MACROD2: variants seen among roughly 807,000 people sequenced by gnomAD.
The protein encoded by MACROD2 is ADP-ribose glycohydrolase MACROD2.
MACROD2 carries 36 observed loss-of-function variants against 70.4 expected under a neutral mutation model. The ratio of observed to expected loss-of-function variants is 0.51; its 90% CI spans 0.39 to 0.68. MACROD2 has a LOEUF of 0.68. Among genes scored for constraint, MACROD2 ranks in the 30% least tolerant of loss-of-function variants. MACROD2 has a pLI of 0.00. For synonymous variants in MACROD2, 172 were observed against 178.8 expected (o/e 0.96, Z 0.30); for missense variants, 496 against 538.4 (o/e 0.92, Z 0.78).
rs2064994259 is a variant in MACROD2 at position 15,897,668 on chromosome 20, T to G, written c.775+11857T>G. ...TTTATTTAATCTGATGTTTAACTCT[T>G]CACTGTATTTCTAATATAGTTTTCT... On this transcript the variant is annotated intron_variant, in intron 10 of 17. Transcript: ENST00000684519. 2.0e-5 allele frequency among the ~76,000 whole-genome samples: 3 copies of G among 152,304 alleles called. No individual in the cohort carries two copies. In the Middle Eastern group the frequency reaches 0.01, roughly 518 times the overall value.
chr20:15,786,133 G>T (rs192009364), intron 8 of MACROD2, among the ~76,000 whole-genome samples: 67 of 149,016 alleles, frequency 4.5e-4, no homozygotes, highest in Non-Finnish European at 2.5e-4. Context: ...AGACTAAGGA[G>T]ATGAATTTGA....
chr20:14,598,849 G>A (rs185184420), intron 4 of MACROD2, among the ~76,000 whole-genome samples: 4 of 152,162 alleles, frequency 2.6e-5, no homozygotes, highest in Non-Finnish European at 5.9e-5. Flanking sequence ...GGCTAGATTC[G>A]AAGATGAAGA....
Position 16,051,348 on chromosome 20 carries a change from CT to C in MACROD2, c.*1478del, listed in dbSNP as rs1192710880. Reference sequence around the variant, plus strand: ...TCCCATCAAAATCTTCAGTTTTGCACTTTTTTGATGGAAAATTCATCTTATC... The same window carrying C: ...TCCCATCAAAATCTTCAGTTTTGCACTTTTTGATGGAAAATTCATCTTATC... On this transcript the variant is annotated 3_prime_UTR_variant, in exon 18 of 18. Transcript: ENST00000684519. 3.3e-5 allele frequency: 5 copies of C among 152,250 alleles called. No individual in the cohort carries two copies. In the East Asian group the frequency reaches 9.6e-4, roughly 29 times the overall value. 9.4% of individuals were successfully genotyped at this position (152,250 alleles called of 1,614,324 possible).
intron 8 of MACROD2, among the ~76,000 whole-genome samples, chr20:15,685,915 A>G (rs76742887): frequency 0.021 from 3,219 of 152,238 alleles, 39 homozygotes; most frequent in Non-Finnish European, 0.035. Context: ...TTCCTCCTAT[A>G]GACTGTTGGC....
chr20:15,241,658 C>T (rs2077060615), intron 6 of MACROD2, among the ~76,000 whole-genome samples: 1 of 149,774 alleles, frequency 6.7e-6, no homozygotes, highest in Middle Eastern at 3.2e-3. Flanking sequence ...ACAAGTGAAA[C>T]ATACCACTAC....
At chr20:16,031,648 A>G (rs1021372748) in intron 15 of MACROD2, among the ~76,000 whole-genome samples, 2 of 152,176 alleles carry the variant, frequency 1.3e-5, no homozygotes, top group African/African-American at 2.4e-5. Flanking sequence ...AACACAGATT[A>G]CAATGGCATG....
At chr20:14,756,667 A>G (rs1248023252) in intron 5 of MACROD2, among the ~76,000 whole-genome samples, 6 of 152,112 alleles carry the variant, frequency 3.9e-5, no homozygotes, top group African/African-American at 1.4e-4. Context: ...CTTTATGAAA[A>G]TATTTCTAAC....
chr20:15,520,159 G>T (rs2047632986), intron 8 of MACROD2, among the ~76,000 whole-genome samples: 2 of 152,168 alleles, frequency 1.3e-5, no homozygotes, highest in Non-Finnish European at 2.9e-5. Context: ...TGGCTTTTTG[G>T]ATAGAACTGA....
chr20:15,530,156 G>A (rs999151308), intron 8 of MACROD2, among the ~76,000 whole-genome samples: 1 of 152,178 alleles, frequency 6.6e-6, no homozygotes, highest in Admixed American at 6.5e-5. Flanking sequence ...GCCATATGTA[G>A]AATTAGCTGC....
intron 6 of MACROD2, among the ~76,000 whole-genome samples, chr20:15,285,749 A>G (rs1193037249): frequency 6.6e-6 from 1 of 152,166 alleles, no homozygotes; most frequent in Non-Finnish European, 1.5e-5. Flanking sequence ...ATTTCGATGT[A>G]TGGCAGTGGT....
intron 3 of MACROD2, among the ~76,000 whole-genome samples, chr20:14,086,622 C>T (rs2054079508): frequency 6.6e-6 from 1 of 152,156 alleles, no homozygotes; most frequent in Admixed American, 6.5e-5. Context: ...TACTCACCTT[C>T]CATTGCTTCA....
intron 5 of MACROD2, chr20:14,933,979 C>T (rs2074318698): frequency 6.6e-6 from 1 of 152,114 alleles, no homozygotes; most frequent in African/African-American, 2.4e-5. Flanking sequence ...TTTTACTTTA[C>T]AGTTAAGAAA....
At chr20:15,356,805 C>T (rs2078292577) in intron 6 of MACROD2, among the ~76,000 whole-genome samples, 2 of 152,144 alleles carry the variant, frequency 1.3e-5, no homozygotes, top group Admixed American at 6.6e-5. Context: ...ACTGTAAATA[C>T]ATATATACAA....
chr20:14,396,184 G>A (rs2083577874), intron 3 of MACROD2, among the ~76,000 whole-genome samples: 2 of 152,198 alleles, frequency 1.3e-5, no homozygotes, highest in African/African-American at 4.8e-5. Context: ...ATGTGCACTT[G>A]AAAAACATTT....
At chr20:14,473,768 A>G (rs2084557896) in intron 3 of MACROD2, among the ~76,000 whole-genome samples, 1 of 152,206 alleles carries the variant, frequency 6.6e-6, no homozygotes, top group Non-Finnish European at 1.5e-5. Flanking sequence ...ATCCACTAAC[A>G]GTGTGTAAGA....
intron 5 of MACROD2, among the ~76,000 whole-genome samples, chr20:15,140,283 G>T (rs908576270): frequency 9.9e-5 from 15 of 152,160 alleles, no homozygotes; most frequent in African/African-American, 3.6e-4. Flanking sequence ...TATGATGGAA[G>T]AACCTTGCTG....
intron 8 of MACROD2, among the ~76,000 whole-genome samples, chr20:15,622,004 C>T (rs955083779): frequency 6.6e-6 from 1 of 152,162 alleles, no homozygotes; most frequent in Admixed American, 6.5e-5. Flanking sequence ...TGTGGATGGG[C>T]TCTGCAGTGA....
chr20:14,864,939 A>G (rs573249637), intron 5 of MACROD2, among the ~76,000 whole-genome samples: 1 of 152,142 alleles, frequency 6.6e-6, no homozygotes, highest in South Asian at 2.1e-4. Context: ...GTTGAATTTC[A>G]TGGTGACTCC....
chr20:14,867,981 G>A (rs1413850894), intron 5 of MACROD2, among the ~76,000 whole-genome samples: 1 of 151,852 alleles, frequency 6.6e-6, no homozygotes, highest in African/African-American at 2.4e-5. Flanking sequence ...TGAAGGAGAG[G>A]GCAATAGAGT....
Sources: gnomAD v4.1 joint callset for allele counts (sites outside exome capture counted in the v4.1 genomes callset) on GRCh38, gnomAD v4.1.1 for gene constraint, MANE v1.5 for transcripts, NCBI Gene and HGNC (gene_info 2026-07-23, HGNC 2026-07-21) for gene names.